Variants in KCNQ5 observed in about 807,000 individuals in gnomAD.
KCNQ5 encodes the protein potassium voltage-gated channel subfamily Q member 5.
In KCNQ5, 30 loss-of-function variants were observed where a neutral mutation model predicts 98.2. The ratio of observed to expected loss-of-function variants is 0.31; its 90% confidence interval spans 0.23 to 0.41. KCNQ5 has a LOEUF of 0.41. Ranked by LOEUF, KCNQ5 falls within the 10% of genes least tolerant of loss-of-function variation. KCNQ5 has a pLI of 1.00. For synonymous variants in KCNQ5, 458 were observed against 449.4 expected (o/e 1.02, Z -0.24); for missense variants, 835 against 1,182.5 (o/e 0.71, Z 4.31).
intron 2 of KCNQ5, among the ~76,000 whole-genome samples, chr6:73,034,854 T>C (rs536555919): frequency 0.027 from 4,106 of 149,510 alleles, 188 homozygotes; most frequent in African/African-American, 0.096. Context: ...TTTTTTTTTT[T>C]TTTTTTTTTG....
intron 9 of KCNQ5, among the ~76,000 whole-genome samples, chr6:73,128,487 G>T (rs926013505): frequency 1.1e-4 from 16 of 152,166 alleles, no homozygotes; most frequent in African/African-American, 3.9e-4. Context: ...TCACCTTGAG[G>T]TTTTATGTGG....
chr6:72,938,072 A>G (rs16883059), intron 1 of KCNQ5, among the ~76,000 whole-genome samples: 14,321 of 152,236 alleles, frequency 0.094, 2,013 homozygotes, highest in African/African-American at 0.31. Flanking sequence ...ATGATGCCAG[A>G]TTAAAATACT....
chr6:72,636,624 C>T (rs2098924299), intron 1 of KCNQ5, among the ~76,000 whole-genome samples: 1 of 152,128 alleles, frequency 6.6e-6, no homozygotes, highest in South Asian at 2.1e-4. Context: ...GGCTACATTT[C>T]TCAGCTTTCT....
intron 11 of KCNQ5, among the ~76,000 whole-genome samples, chr6:73,185,742 C>A (rs1350845088): frequency 6.6e-6 from 1 of 152,110 alleles, no homozygotes; most frequent in Non-Finnish European, 1.5e-5. Flanking sequence ...CAGGGAAAAC[C>A]AGTGAAGGAC....
At chr6:72,802,703 GAGGA>G (rs1392551187) in intron 1 of KCNQ5, among the ~76,000 whole-genome samples, 1 of 152,060 alleles carries the variant, frequency 6.6e-6, no homozygotes, top group African/African-American at 2.4e-5. Flanking sequence ...AGTCTGCATA[GAGGA>G]ATCCTCTTAA....
At chr6:73,177,043 C>T (rs1487923854) in intron 11 of KCNQ5, among the ~76,000 whole-genome samples, 1 of 152,162 alleles carries the variant, frequency 6.6e-6, no homozygotes, top group Non-Finnish European at 1.5e-5. Context: ...GATGGAAAAC[C>T]AGGAGAGCGT....
intron 1 of KCNQ5, among the ~76,000 whole-genome samples, chr6:72,890,263 C>A (rs1410969693): frequency 2.6e-5 from 4 of 152,032 alleles, no homozygotes; most frequent in African/African-American, 9.7e-5. Context: ...ACCTTGTGTT[C>A]TTTTGTGGTT....
At chr6:73,152,630 T>C (rs1346911978) in intron 10 of KCNQ5, among the ~76,000 whole-genome samples, 3 of 152,226 alleles carry the variant, frequency 2.0e-5, no homozygotes, top group Non-Finnish European at 4.4e-5. Context: ...CTGGAAGATT[T>C]CCTTAGATAC....
intron 1 of KCNQ5, among the ~76,000 whole-genome samples, chr6:72,736,084 T>TACACACACAC (rs59201837): frequency 1.3e-5 from 2 of 148,528 alleles, no homozygotes; most frequent in African/African-American, 4.9e-5. Flanking sequence ...TGTGTACACA[T>TACACACACAC]ACACACACAC....
chr6:73,010,506 T>G (rs1042142615), intron 2 of KCNQ5, among the ~76,000 whole-genome samples: 1 of 151,932 alleles, frequency 6.6e-6, no homozygotes, highest in Non-Finnish European at 1.5e-5. Context: ...ACTAGACGGC[T>G]GTACTAATTG....
At chr6:72,773,867 A>G (rs1217548445) in intron 1 of KCNQ5, among the ~76,000 whole-genome samples, 1 of 151,876 alleles carries the variant, frequency 6.6e-6, no homozygotes, top group Non-Finnish European at 1.5e-5. Context: ...GACCTATTAT[A>G]GAACTGTAGC....
intron 1 of KCNQ5, among the ~76,000 whole-genome samples, chr6:72,661,164 G>A (rs2154472901): frequency 6.6e-6 from 1 of 151,920 alleles, no homozygotes; most frequent in East Asian, 1.9e-4. Context: ...CGAGAACTGA[G>A]CCACTAATGT....
At chr6:72,941,550 T>TCTTCCCTCCCTCCTTCCTTCCTC (rs1385754110) in intron 1 of KCNQ5, among the ~76,000 whole-genome samples, 1 of 37,332 alleles carries the variant, frequency 2.7e-5, no homozygotes, top group African/African-American at 5.1e-5. Flanking sequence ...TTCCTTTCCT[T>TCTTCCCTCCCTCCTTCCTTCCTC]CTTCCCTCCC....
chr6:73,039,737 A>G (rs1233022095), intron 2 of KCNQ5, among the ~76,000 whole-genome samples: 2 of 152,112 alleles, frequency 1.3e-5, no homozygotes, highest in African/African-American at 4.8e-5. Context: ...CCGGAATATA[A>G]TCTATCTTAA....
intron 3 of KCNQ5, among the ~76,000 whole-genome samples, chr6:73,071,685 CA>C (rs991719898): frequency 1.3e-5 from 2 of 152,092 alleles, no homozygotes; most frequent in African/African-American, 4.8e-5. Flanking sequence ...TTCTTTTTAA[CA>C]ACCAAATCTT....
intron 1 of KCNQ5, among the ~76,000 whole-genome samples, chr6:72,688,412 C>G (rs1768058172): frequency 6.6e-6 from 1 of 152,214 alleles, no homozygotes; most frequent in African/African-American, 2.4e-5. Context: ...GCAGCTTCTT[C>G]TTGTTTATGC....
In KCNQ5 at chr6:73,195,564, G is replaced by GCAATT; in HGVS notation, c.*150_*151insCAATT. ...TAAGCCCGTTACCTTTTAATTGCAT[G>GCAATT]AAAATGCATGTTTAGGGATGGCTAA... On this transcript the variant is annotated 3_prime_UTR_variant, in exon 14 of 14. Transcript: ENST00000370398. 1.0e-6 allele frequency: 1 copy of GCAATT among 966,302 alleles called. No homozygotes were observed. The highest frequency in any genetic ancestry group is 1.5e-6 in the Non-Finnish European group (1 of 662,646). 59.9% of individuals were successfully genotyped at this position (966,302 alleles called of 1,614,324 possible). A position where few individuals can be genotyped will look rare whatever the true frequency, so the allele number is the denominator to read the frequency against.
At chr6:72,634,783 G>A (rs890024008) in intron 1 of KCNQ5, among the ~76,000 whole-genome samples, 1 of 152,104 alleles carries the variant, frequency 6.6e-6, no homozygotes, top group Non-Finnish European at 1.5e-5. Context: ...GACCAGGCTG[G>A]TCTCGAACTC....
At chr6:72,902,449 C>T (rs1779547411) in intron 1 of KCNQ5, among the ~76,000 whole-genome samples, 1 of 152,142 alleles carries the variant, frequency 6.6e-6, no homozygotes, top group Non-Finnish European at 1.5e-5. Flanking sequence ...TTCAACTTTT[C>T]CCCATTCAGT....
Sources: allele counts gnomAD v4.1 joint callset (sites outside exome capture counted in the v4.1 genomes callset), GRCh38; gene constraint gnomAD v4.1.1; transcripts MANE v1.5; gene names NCBI Gene and HGNC (gene_info 2026-07-23, HGNC 2026-07-21).